Variants in PJA2 observed in about 807,000 individuals in gnomAD.
PJA2 encodes praja ring finger ubiquitin ligase 2.
In PJA2, 25 loss-of-function variants were observed where a neutral mutation model predicts 69.3. The ratio of observed to expected loss-of-function variants is 0.36; its 90% CI spans 0.26 to 0.50. The LOEUF is 0.50. PJA2 is among the 20% of genes least tolerant of loss of function. PJA2 has a pLI of 0.96. For missense variants in PJA2, 809 were observed against 830.2 expected (o/e 0.97, Z 0.31); for synonymous variants, 308 against 277.8 (o/e 1.11, Z -1.08).
At chr5:109,375,917 C>T (rs13155912) in intron 4 of PJA2, among the ~76,000 whole-genome samples, 66,041 of 151,934 alleles carry the variant, frequency 0.43, 17,645 homozygotes, top group Non-Finnish European at 0.59. Flanking sequence ...CAGGACACAG[C>T]AGCATAGAAA....
intron 5 of PJA2, among the ~76,000 whole-genome samples, chr5:109,368,151 T>C (rs183452007): frequency 6.6e-6 from 1 of 152,306 alleles, no homozygotes; most frequent in African/African-American, 2.4e-5. Flanking sequence ...GGAGATCTCA[T>C]CCAATGCAAT....
intron 5 of PJA2, among the ~76,000 whole-genome samples, chr5:109,364,619 T>G (rs1454981177): frequency 1.6e-5 from 2 of 128,666 alleles, no homozygotes; most frequent in African/African-American, 3.0e-5. Context: ...CGAGACTCTG[T>G]CTCAAAAAAA....
chr5:109,404,924 A>G lies in PJA2; in HGVS notation c.-88+4918T>C, dbSNP rs116476040. 1.8e-3 allele frequency among the ~76,000 whole-genome samples: 271 copies of G among 152,336 alleles called. 2 individuals are homozygous for G. The highest frequency in any genetic ancestry group is 6.3e-3 in the African/African-American group (263 of 41,578). ...TCTGCTTTCACCACTGCTATTCAACATCATAATGGAGGTCTTAGCCAGTCT... is the reference window on the plus strand; with the variant it reads ...TCTGCTTTCACCACTGCTATTCAACGTCATAATGGAGGTCTTAGCCAGTCT... On this transcript the variant is annotated intron_variant, in intron 1 of 9. Coordinates refer to ENST00000361189, the MANE Select transcript of PJA2 (RefSeq NM_014819.5).
intron 9 of PJA2, among the ~76,000 whole-genome samples, chr5:109,343,303 A>T (rs1762113848): frequency 7.6e-6 from 1 of 131,486 alleles, no homozygotes; most frequent in Non-Finnish European, 1.6e-5. Flanking sequence ...GAAAGAAAGA[A>T]AGAAAGAAAA....
At chr5:109,349,765 C>T (rs756382148) in intron 7 of PJA2, among the ~76,000 whole-genome samples, 1 of 152,136 alleles carries the variant, frequency 6.6e-6, no homozygotes, top group Non-Finnish European at 1.5e-5. Flanking sequence ...TCCTTATATG[C>T]GCTTTTCCCA....
chr5:109,375,265 T>C (rs941528455), intron 4 of PJA2, among the ~76,000 whole-genome samples: 2 of 152,118 alleles, frequency 1.3e-5, no homozygotes, highest in Admixed American at 6.5e-5. Context: ...ATCTTGACAC[T>C]CTGGGAGGCT....
chr5:109,349,195 T>C (rs1239657961), intron 7 of PJA2, among the ~76,000 whole-genome samples: 1 of 152,230 alleles, frequency 6.6e-6, no homozygotes, highest in Non-Finnish European at 1.5e-5. Flanking sequence ...AGCCAAGTTA[T>C]CAAAGTGCTG....
chr5:109,340,617 T>C (rs569197126), intron 9 of PJA2, among the ~76,000 whole-genome samples: 15 of 2,682 alleles, frequency 5.6e-3, no homozygotes, highest in African/African-American at 0.011. Context: ...ATTTATTGGG[T>C]CCCTCCCCCT....
chr5:109,375,232 G>T (rs1289303659), intron 4 of PJA2, among the ~76,000 whole-genome samples: 1 of 152,058 alleles, frequency 6.6e-6, no homozygotes, highest in Non-Finnish European at 1.5e-5. Context: ...AATGCTGGCC[G>T]GGTGCAGTGG....
At chr5:109,382,090 A>G (rs1747063897) in intron 2 of PJA2, among the ~76,000 whole-genome samples, 1 of 152,182 alleles carries the variant, frequency 6.6e-6, no homozygotes, top group African/African-American at 2.4e-5. Context: ...TGCTCAATAC[A>G]TATTTGATGA....
intron 1 of PJA2, among the ~76,000 whole-genome samples, chr5:109,406,745 A>C (rs1276730641): frequency 6.6e-6 from 1 of 152,262 alleles, no homozygotes; most frequent in Non-Finnish European, 1.5e-5. Flanking sequence ...TGTTCAACAA[A>C]TGAAGGCTAT....
rs893609760 is a variant in PJA2, at chr5:109,378,198, C to A, written c.1283+6G>T. ...CAATCGGAAAAAGTACTGGATGTGA[C>A]CTTACCTATCTTCATCTTTGTCATA... On this transcript the variant is annotated splice_donor_region_variant and intron_variant, in intron 4 of 9. Coordinates refer to ENST00000361189, the MANE Select transcript of PJA2 (RefSeq NM_014819.5). 6.2e-7 allele frequency: 1 copy of A among 1,600,466 alleles called. No individual in the cohort carries two copies. Among genetic ancestry groups the A allele is most frequent in the Non-Finnish European group, 8.5e-7 (1 of 1,171,410 alleles).
chr5:109,405,338 C>T (rs1318772613), intron 1 of PJA2, among the ~76,000 whole-genome samples: 2 of 152,270 alleles, frequency 1.3e-5, no homozygotes, highest in East Asian at 1.9e-4. Context: ...CTCAAGATGT[C>T]GATTCTTCCT....
At chr5:109,377,960 TATA>T (rs373597262) in intron 4 of PJA2, among the ~76,000 whole-genome samples, 103 of 152,342 alleles carry the variant, frequency 6.8e-4, no homozygotes, top group African/African-American at 2.3e-3. Flanking sequence ...TCTATCCCTT[TATA>T]ATAATAATCA....
chr5:109,370,400 T>G (rs1200624278), intron 4 of PJA2, among the ~76,000 whole-genome samples: 1 of 152,174 alleles, frequency 6.6e-6, no homozygotes. Flanking sequence ...ACTCAAAAGA[T>G]CAAGATGATA....
intron 4 of PJA2, among the ~76,000 whole-genome samples, chr5:109,375,686 T>TA (rs1466699289): frequency 6.6e-6 from 1 of 152,178 alleles, no homozygotes; most frequent in African/African-American, 2.4e-5. Context: ...CAGCAGCTCT[T>TA]ATACTTTCCA....
intron 9 of PJA2, among the ~76,000 whole-genome samples, chr5:109,342,291 C>G (rs1220796809): frequency 1.4e-4 from 15 of 107,492 alleles, no homozygotes; most frequent in African/African-American, 5.5e-4. Context: ...TGAGGAGCCC[C>G]TCTGCCCGGC....
intron 7 of PJA2, among the ~76,000 whole-genome samples, chr5:109,354,326 TG>T (rs1762360165): frequency 6.1e-5 from 5 of 82,554 alleles, no homozygotes; most frequent in Admixed American, 1.3e-4. Flanking sequence ...TAGATATCTA[TG>T]ATATCTAGAG....
chr5:109,368,696 G>C lies in PJA2; in HGVS notation c.1334C>G (p.Ser445Cys). The change falls in exon 5 of 10, where the codon TCT becomes TGT. Residue 445 changes from serine (S) to cysteine (C), a missense_variant. Physicochemically the swap from Ser to Cys is moderately radical, Grantham distance 112. Transcript: ENST00000361189. Reference protein sequence around the residue: ...EWSASLPHRFSGTEKDQSSSD... With the variant: ...EWSASLPHRFCGTEKDQSSSD... ...TGAGGATTGATCTTTTTCTGTACCA[G>C]AAAATCGATGAGGCAAAGAAGCAGA... 1 of 1,614,052 alleles carries C rather than the reference G, an allele frequency of 6.2e-7. No individual in the cohort carries two copies. Among genetic ancestry groups the C allele is most frequent in the East Asian group, 2.2e-5 (1 of 44,864 alleles).
Sources: allele counts gnomAD v4.1 joint callset (sites outside exome capture counted in the v4.1 genomes callset), GRCh38; gene constraint gnomAD v4.1.1; transcripts MANE v1.5; gene names NCBI Gene and HGNC (gene_info 2026-07-23, HGNC 2026-07-21).